The following NCKAP1 variants were observed in gnomAD, a reference collection of about 807,000 sequenced individuals.
NCKAP1 encodes nck-associated protein 1.
NCKAP1 carries 21 observed loss-of-function variants against 151.2 expected under a neutral mutation model. That is an observed-to-expected ratio of 0.14 (90% CI 0.10 to 0.20). The LOEUF (loss-of-function observed/expected upper bound fraction) is 0.20, where lower values mean the gene tolerates loss of function less well. NCKAP1 is among the 10% of genes least tolerant of loss of function. The pLI is 1.00. For missense variants in NCKAP1, 933 were observed against 1,352.1 expected, an observed-to-expected ratio of 0.69 and a Z score of 4.86; for synonymous variants, 484 against 451.8, an observed-to-expected ratio of 1.07 and a Z score of -0.90.
intron 26 of NCKAP1, 146 bp from the exon 27 acceptor site, chr2:182,930,934 T>G: frequency 1.5e-6 from 1 of 646,790 alleles, no homozygotes; most frequent in South Asian, 2.0e-5. Context: ...CTAAGTATAC[T>G]GAACAACTGA....
rs1388370657 is a variant in NCKAP1, at chr2:182,924,371, C to T, written c.*1331G>A. ...ACATAAGAAGCTGTGAACAGAAGCT[C>T]TTTATGATATTCATATACAAAGCTG... On this transcript the variant is annotated 3_prime_UTR_variant, in exon 31 of 31. Coordinates refer to ENST00000361354, the MANE Select transcript of NCKAP1 (RefSeq NM_013436.5). 6.6e-6 allele frequency: 1 copy of T among 152,198 alleles called. No individual in the cohort carries two copies. Among genetic ancestry groups the T allele is most frequent in the African/African-American group, 2.4e-5 (1 of 41,442 alleles). The allele number at this position is 152,198 out of a possible 1,614,324, so 9.4% of individuals were successfully genotyped here.
rs1575058208 is a variant in NCKAP1 at position 183,001,491 on chromosome 2, AAACACTGTACTTTT to A, written c.603+448_603+461del. 3.3e-5 allele frequency among the ~76,000 whole-genome samples: 5 copies of A among 152,076 alleles called. No homozygotes were observed. The South Asian group carries it at 6.2e-4, about 19-fold the overall frequency. On this transcript the variant is annotated intron_variant, in intron 6 of 30. Coordinates refer to ENST00000361354, the MANE Select transcript of NCKAP1 (RefSeq NM_013436.5). ...GACTATAATAAAGTTAAAATTTATC[AAACACTGTACTTTT>A]TAATGAAGTAATTCATTTAATTCTC...
At chr2:182,990,126 GTTCA>G (rs1410494384) in intron 8 of NCKAP1, among the ~76,000 whole-genome samples, 1 of 151,828 alleles carries the variant, frequency 6.6e-6, no homozygotes, top group East Asian at 1.9e-4. Context: ...GCAATTTATA[GTTCA>G]TTAAGTCTTC....
rs749460225 is a variant in NCKAP1 at position 182,942,092 on chromosome 2, A to G, written c.2673T>C (p.Ala891=). The stretch of plus-strand genomic sequence containing the variant: ...CACATGATAATCTTTTAAACAGTGC[A>G]GCCATCTGGTCTGGTTTGTCAAAGC... ...RTSFDKPDQM[A]ALFKRLSSVD... Residue 891 remains alanine, a synonymous_variant, in exon 24 of 31, where the codon GCT becomes GCC. Coordinates refer to ENST00000361354, the MANE Select transcript of NCKAP1 (RefSeq NM_013436.5). The G allele has an allele frequency of 3.1e-6, 5 of 1,613,186 alleles. No individual in the cohort carries two copies. The South Asian group carries it at 5.5e-5, about 18-fold the overall frequency.
intron 6 of NCKAP1, among the ~76,000 whole-genome samples, chr2:182,999,545 T>G (rs1698339062): frequency 6.6e-6 from 1 of 152,198 alleles, no homozygotes; most frequent in Non-Finnish European, 1.5e-5. Context: ...GCTTATACAC[T>G]GTTGGTGGTA....
chr2:182,958,103 G>A (rs1315241418), intron 18 of NCKAP1, among the ~76,000 whole-genome samples: 1 of 152,140 alleles, frequency 6.6e-6, no homozygotes, highest in Non-Finnish European at 1.5e-5. Flanking sequence ...CAAAAAGACA[G>A]CGACAATTTT....
chr2:182,968,776 A>C (rs897007498), intron 15 of NCKAP1, among the ~76,000 whole-genome samples: 1 of 152,200 alleles, frequency 6.6e-6, no homozygotes, highest in Non-Finnish European at 1.5e-5. Flanking sequence ...CAGGAGCTCC[A>C]TATCTTCTTG....
chr2:182,982,448 G>A (rs1697959942), intron 12 of NCKAP1, among the ~76,000 whole-genome samples: 1 of 149,110 alleles, frequency 6.7e-6, no homozygotes, highest in South Asian at 2.1e-4. Context: ...TGGTGCAGAA[G>A]AGATACACAT....
chr2:183,004,342 A>G (rs1698426679), intron 2 of NCKAP1, among the ~76,000 whole-genome samples: 3 of 152,152 alleles, frequency 2.0e-5, no homozygotes, highest in Admixed American at 6.5e-5. Context: ...GTTCTGAATT[A>G]CACTCAGGAA....
chr2:182,911,891 C>T lies in NCKAP1; in HGVS notation c.*13811G>A, dbSNP rs1437899477. The T allele has an allele frequency of 6.6e-6, 1 of 152,116 alleles. No individual in the cohort carries two copies. The highest frequency in any genetic ancestry group is 2.4e-5 in the African/African-American group (1 of 41,432). The allele number at this position is 152,116 out of a possible 1,614,324, so 9.4% of individuals were successfully genotyped here. On this transcript the variant is annotated 3_prime_UTR_variant, in exon 31 of 31. Transcript: ENST00000361354. ...AAGCAGTAACTGCATTTCTGGTAGG[C>T]CTTTCTGATAGGTCACTTGAGAATG...
intron 23 of NCKAP1, among the ~76,000 whole-genome samples, chr2:182,945,031 T>C (rs1417388882): frequency 6.6e-6 from 1 of 152,076 alleles, no homozygotes; most frequent in African/African-American, 2.4e-5. Flanking sequence ...GGTCAGGAGT[T>C]TGAAACTAGC....
rs1020880616 is a variant in NCKAP1 at position 182,915,772 on chromosome 2, T to C, written c.*9930A>G. The C allele has an allele frequency of 6.6e-6, 1 of 152,084 alleles. No individual in the cohort carries two copies. Among genetic ancestry groups the C allele is most frequent in the South Asian group, 2.1e-4 (1 of 4,828 alleles). The allele number at this position is 152,084 out of a possible 1,614,324, so 9.4% of individuals were successfully genotyped here. On this transcript the variant is annotated 3_prime_UTR_variant, in exon 31 of 31. Transcript: ENST00000361354. Reference sequence around the variant, plus strand: ...AGTACTGACTCTAGCTAGGGGTGAGTCACCAGAATAAAATGATCATTTATT... The same window carrying C: ...AGTACTGACTCTAGCTAGGGGTGAGCCACCAGAATAAAATGATCATTTATT...
chr2:182,988,339 G>A (rs930648896), intron 9 of NCKAP1, among the ~76,000 whole-genome samples: 4 of 152,120 alleles, frequency 2.6e-5, no homozygotes, highest in Admixed American at 2.0e-4. Context: ...GTTATCTGAA[G>A]CTAGGAAGCC....
chr2:182,993,352 G>T (rs570150981), intron 8 of NCKAP1, among the ~76,000 whole-genome samples: 1 of 152,236 alleles, frequency 6.6e-6, no homozygotes, highest in East Asian at 1.9e-4. Context: ...AGAACCCCAG[G>T]ATATAAAGGG....
chr2:182,981,784 CTG>C (rs1233671038), intron 12 of NCKAP1, among the ~76,000 whole-genome samples: 1 of 151,452 alleles, frequency 6.6e-6, no homozygotes, highest in African/African-American at 2.4e-5. Flanking sequence ...TGGTGGGTGT[CTG>C]TAATCCCAGC....
At chr2:182,964,563 T>C (rs979374533) in intron 17 of NCKAP1, 113 bp downstream of exon 17, 3 of 771,450 alleles carry the variant, frequency 3.9e-6, no homozygotes, top group Non-Finnish European at 5.8e-6. Flanking sequence ...CATAGAGATG[T>C]ATTCGATGGG....
At chr2:182,930,633 T>C (rs772133385) in intron 27 of NCKAP1, 62 bp downstream of exon 27, 86 of 1,279,948 alleles carry the variant, frequency 6.7e-5, no homozygotes, top group Admixed American at 1.0e-4. Context: ...ATATCATACC[T>C]ATACCTATGC....
At position 183,002,038 on chromosome 2, in the gene NCKAP1, C is replaced by T; in HGVS notation, c.518G>A (p.Arg173Lys). Residue 173 changes from arginine (R) to lysine (K), a missense_variant, in exon 6 of 31, where the codon AGA becomes AAA. By Grantham distance (26) the Arg-to-Lys change is conservative (BLOSUM62 2). Around this residue, in one of 2 missense-constraint regions of NCKAP1, gnomAD observed 607 missense variants for 795.0 expected, o/e 0.76. Transcript: ENST00000361354. Reference protein sequence around the residue: ...AHEMTHGASDREYPRLGQMIV... With the variant: ...AHEMTHGASDKEYPRLGQMIV... Reference sequence around the variant, plus strand: ...CATCTGGCCAAGGCGTGGGTATTCTCTGTCACTTAAAACAGACATATCAAA... The same window carrying T: ...CATCTGGCCAAGGCGTGGGTATTCTTTGTCACTTAAAACAGACATATCAAA... 4 of 1,613,592 alleles carry T rather than the reference C, an allele frequency of 2.5e-6. No individual in the cohort carries two copies. The highest frequency in any genetic ancestry group is 3.4e-6 in the Non-Finnish European group (4 of 1,179,704).
chr2:183,014,191 T>C (rs762278233), intron 2 of NCKAP1, among the ~76,000 whole-genome samples: 3 of 152,172 alleles, frequency 2.0e-5, no homozygotes, highest in Admixed American at 1.3e-4. Flanking sequence ...ACTTGGCTCA[T>C]AGAAGGCGCT....
Sources: allele counts gnomAD v4.1 joint callset (sites outside exome capture counted in the v4.1 genomes callset), GRCh38; gene constraint gnomAD v4.1.1; regional missense constraint gnomAD v4.1.1; transcripts MANE v1.5; gene names NCBI Gene and HGNC (gene_info 2026-07-23, HGNC 2026-07-21).